Variants in MCTP1 observed in about 807,000 individuals in gnomAD.
MCTP1 encodes the protein multiple C2 and transmembrane domain containing 1, also known as multiple C2 and transmembrane domain-containing protein 1.
MCTP1 carries 69 observed loss-of-function variants against 120.6 expected under a neutral mutation model. The ratio of observed to expected loss-of-function variants is 0.57; its 90% CI spans 0.47 to 0.70. The LOEUF is 0.70. Among genes scored for constraint, MCTP1 ranks in the 30% least tolerant of loss-of-function variants. The pLI is 0.00. For synonymous variants in MCTP1, 529 were observed against 493.1 expected (o/e 1.07, Z -0.96); for missense variants, 1,203 against 1,248.8 (o/e 0.96, Z 0.55).
chr5:94,917,436 G>T (rs1265760127), intron 8 of MCTP1, among the ~76,000 whole-genome samples: 3 of 152,176 alleles, frequency 2.0e-5, no homozygotes, highest in African/African-American at 7.2e-5. Flanking sequence ...AACTTGTAAG[G>T]TAGTTGTTCT....
intron 2 of MCTP1, among the ~76,000 whole-genome samples, chr5:94,960,446 T>C (rs1823847841): frequency 6.6e-6 from 1 of 152,170 alleles, no homozygotes; most frequent in Non-Finnish European, 1.5e-5. Flanking sequence ...AAGGAGCCTC[T>C]GCACAGCAAA....
intron 17 of MCTP1, among the ~76,000 whole-genome samples, chr5:94,851,558 C>T (rs1793707405): frequency 6.6e-6 from 1 of 152,014 alleles, no homozygotes; most frequent in Non-Finnish European, 1.5e-5. Flanking sequence ...TAATTTTAAA[C>T]ACAATTTAGC....
At chr5:95,018,440 C>A (rs1837544322) in intron 1 of MCTP1, among the ~76,000 whole-genome samples, 1 of 151,470 alleles carries the variant, frequency 6.6e-6, no homozygotes, top group African/African-American at 2.4e-5. Flanking sequence ...AACAATAAAG[C>A]AGCATTTAAA....
intron 17 of MCTP1, chr5:94,826,772 CTTTTTTTTTTTTTTTTTTT>C (rs61324420): frequency 2.2e-3 from 95 of 43,008 alleles, no homozygotes; most frequent in African/African-American, 3.8e-3. Flanking sequence ...GTGACCCCTG[CTTTTTTTTTTTTTTTTTTT>C]TTTTTTTTTT....
At chr5:94,984,393 A>G (rs1227281260) in intron 2 of MCTP1, among the ~76,000 whole-genome samples, 2 of 152,208 alleles carry the variant, frequency 1.3e-5, no homozygotes, top group African/African-American at 4.8e-5. Context: ...TGCAGGAACA[A>G]ATGAACATGG....
intron 1 of MCTP1, among the ~76,000 whole-genome samples, chr5:95,205,367 AG>A (rs1172491503): frequency 2.0e-5 from 3 of 152,166 alleles, no homozygotes; most frequent in Non-Finnish European, 4.4e-5. Context: ...AAAGAACTAA[AG>A]GTAAAAGCTA....
At chr5:95,239,734 A>C (rs1428091778) in intron 1 of MCTP1, among the ~76,000 whole-genome samples, 2 of 152,146 alleles carry the variant, frequency 1.3e-5, no homozygotes, top group Non-Finnish European at 2.9e-5. Context: ...TAAAGGACTG[A>C]GAGGGTGGAA....
At chr5:94,943,741 G>A (rs1455052307) in intron 3 of MCTP1, among the ~76,000 whole-genome samples, 1 of 151,950 alleles carries the variant, frequency 6.6e-6, no homozygotes, top group Non-Finnish European at 1.5e-5. Flanking sequence ...CGAAGAGAAA[G>A]TAAGGAAGTA....
intron 1 of MCTP1, among the ~76,000 whole-genome samples, chr5:95,100,831 A>G (rs12716473): frequency 0.2 from 30,330 of 152,198 alleles, 3,440 homozygotes; most frequent in East Asian, 0.39. Context: ...ACTAAGCAAT[A>G]AGAAGACCAA....
Position 94,806,079 on chromosome 5 carries a change from C to T in MCTP1, c.2437-6947G>A, listed in dbSNP as rs542598891. Among the ~76,000 whole-genome samples, 155 of 151,678 alleles carry T rather than the reference C, an allele frequency of 1.0e-3. 3 individuals carry two copies. The South Asian group carries it at 0.013, about 12-fold the overall frequency. ...GTATGGCAAAGAGGTCAAAAACTAACAGCGGAAATGAGGTTTGTGGAGCCA... is the reference window on the plus strand; with the variant it reads ...GTATGGCAAAGAGGTCAAAAACTAATAGCGGAAATGAGGTTTGTGGAGCCA... On this transcript the variant is annotated intron_variant, in intron 17 of 22. Coordinates refer to ENST00000515393, the MANE Select transcript of MCTP1 (RefSeq NM_024717.7).
chr5:94,755,290 T>TC (rs1052271708), intron 19 of MCTP1, among the ~76,000 whole-genome samples: 3 of 152,116 alleles, frequency 2.0e-5, no homozygotes, highest in Admixed American at 2.0e-4. Flanking sequence ...ACCCTGATCC[T>TC]CCCCTCTTCT....
At chr5:95,212,089 GA>G (rs1413724527) in intron 1 of MCTP1, among the ~76,000 whole-genome samples, 1 of 152,014 alleles carries the variant, frequency 6.6e-6, no homozygotes, top group East Asian at 1.9e-4. Flanking sequence ...TTGGTTTTTT[GA>G]AAGGATCAAC....
intron 1 of MCTP1, among the ~76,000 whole-genome samples, chr5:95,037,400 T>C (rs1010999217): frequency 1.3e-5 from 2 of 152,218 alleles, no homozygotes; most frequent in African/African-American, 4.8e-5. Context: ...AGGTTAAATC[T>C]ACCTATGCAT....
intron 2 of MCTP1, 94 bp from the exon 3 acceptor site, chr5:94,953,455 G>A: frequency 5.9e-6 from 6 of 1,010,458 alleles, no homozygotes; most frequent in Non-Finnish European, 6.7e-6. Context: ...TTTAAAGGAA[G>A]AAAAGTTAAA....
At chr5:95,212,583 T>A (rs1752518625) in intron 1 of MCTP1, among the ~76,000 whole-genome samples, 1 of 151,980 alleles carries the variant, frequency 6.6e-6, no homozygotes, top group African/African-American at 2.4e-5. Context: ...TAGACCAATA[T>A]CCTTGATGAA....
At chr5:94,833,440 G>A (rs562948602) in intron 17 of MCTP1, among the ~76,000 whole-genome samples, 18 of 152,164 alleles carry the variant, frequency 1.2e-4, no homozygotes, top group African/African-American at 3.4e-4. Context: ...TAAATTATGC[G>A]TAATATGGCC....
At chr5:95,024,484 C>G (rs948647661) in intron 1 of MCTP1, among the ~76,000 whole-genome samples, 1 of 152,070 alleles carries the variant, frequency 6.6e-6, no homozygotes, top group Non-Finnish European at 1.5e-5. Flanking sequence ...CCATATATGA[C>G]AAGTCCATAG....
chr5:95,229,850 TA>T (rs1485783261), intron 1 of MCTP1, among the ~76,000 whole-genome samples: 2 of 152,138 alleles, frequency 1.3e-5, no homozygotes, highest in African/African-American at 4.8e-5. Flanking sequence ...CTTCTTAGCT[TA>T]GTGGGAAAAG....
At position 94,716,800 on chromosome 5, in the gene MCTP1, C is replaced by G. The variant is rs567870050; in HGVS notation, c.2611-1914G>C. On this transcript the variant is annotated intron_variant, in intron 19 of 22. Transcript: ENST00000515393. The stretch of plus-strand genomic sequence containing the variant: ...TATATAGGCTTAATGAAATTTCAAG[C>G]AAATCCTAATGTTTAGAGTGGAGAA... 2.0e-5 allele frequency among the ~76,000 whole-genome samples: 3 copies of G among 150,998 alleles called. No individual in the cohort carries two copies. The South Asian group carries it at 6.3e-4, about 32-fold the overall frequency.
Sources: allele counts gnomAD v4.1 joint callset (sites outside exome capture counted in the v4.1 genomes callset), GRCh38; gene constraint gnomAD v4.1.1; transcripts MANE v1.5; gene names NCBI Gene and HGNC (gene_info 2026-07-23, HGNC 2026-07-21).